Variants in VRTN observed in about 807,000 individuals in gnomAD.
VRTN encodes the protein vertnin.
A neutral mutation model predicts 18.2 loss-of-function variants in VRTN; 5 were observed. The observed-to-expected ratio is 0.27, with a 90% CI of 0.14 to 0.58. The LOEUF is 0.58. Among genes scored for constraint, VRTN ranks in the 20% least tolerant of loss-of-function variants. The pLI is 0.91. For synonymous variants in VRTN, 381 were observed against 393.7 expected (o/e 0.97, Z 0.38); for missense variants, 741 against 939.4 (o/e 0.79, Z 2.76).
chr14:74,354,649 C>T lies in VRTN; in HGVS notation c.-1-2134C>T, dbSNP rs566904614. ...CGATCTCCTGAGCTCGTGGTCCGCC[C>T]GTGTCGGCCTCCCAAAGTGCTGGGA... On this transcript the variant is annotated intron_variant, in intron 1 of 1. Coordinates refer to ENST00000256362, the MANE Select transcript of VRTN (RefSeq NM_018228.3). Among the ~76,000 whole-genome samples, 4 of 152,038 alleles carry T rather than the reference C, an allele frequency of 2.6e-5. No individual in the cohort carries two copies. In the East Asian group the frequency reaches 5.9e-4, roughly 22 times the overall value.
chr14:74,303,977 G>A (rs992506959), intron 1 of VRTN, among the ~76,000 whole-genome samples: 5 of 149,246 alleles, frequency 3.4e-5, no homozygotes, highest in African/African-American at 1.2e-4. Flanking sequence ...TCAGCCTCCC[G>A]AGTAGCTAGG....
At chr14:74,327,082 C>T (rs2085492790) in intron 1 of VRTN, among the ~76,000 whole-genome samples, 2 of 152,246 alleles carry the variant, frequency 1.3e-5, no homozygotes, top group African/African-American at 2.4e-5. Flanking sequence ...TGGTTGGTTC[C>T]CTATCTCCTT....
intron 1 of VRTN, among the ~76,000 whole-genome samples, chr14:74,307,524 A>G (rs959328297): frequency 2.0e-5 from 3 of 152,112 alleles, no homozygotes; most frequent in African/African-American, 7.2e-5. Flanking sequence ...CAGCTTTCAC[A>G]ATAAAAAAGA....
chr14:74,347,153 G>C (rs2085648966), upstream of VRTN, among the ~76,000 whole-genome samples: 1 of 152,152 alleles, frequency 6.6e-6, no homozygotes, highest in Non-Finnish European at 1.5e-5. Flanking sequence ...TCATCTCGTG[G>C]AATTTATCCA....
In VRTN at chr14:74,358,297, C is replaced by T; in HGVS notation, c.1514C>T (p.Ser505Phe). 1 of 1,611,340 alleles carries T rather than the reference C, an allele frequency of 6.2e-7. No homozygotes were observed. The highest frequency in any genetic ancestry group is 8.5e-7 in the Non-Finnish European group (1 of 1,178,346). The change falls in exon 2 of 2, where the codon TCC (serine) becomes TTC (phenylalanine). Residue 505 changes from serine (S) to phenylalanine (F), a missense_variant. Transcript: ENST00000256362. The surrounding 1 kb of genome is among the most constrained non-coding windows in gnomAD (Gnocchi z 5.4). The part of the protein sequence containing the change: ...GELLPLRMPL[S>F]RWQRRLRRAA... Reference sequence around the variant, plus strand: ...CTCCTGCCACTAAGGATGCCCCTGTCCCGTTGGCAGAGGCGTCTGCGCAGG... The same window carrying T: ...CTCCTGCCACTAAGGATGCCCCTGTTCCGTTGGCAGAGGCGTCTGCGCAGG...
intron 1 of VRTN, among the ~76,000 whole-genome samples, chr14:74,321,990 G>A (rs189747814): frequency 5.3e-5 from 8 of 151,908 alleles, no homozygotes; most frequent in Admixed American, 5.3e-4. Context: ...ACAGGTGTGT[G>A]CCACCACACC....
chr14:74,305,330 CA>C (rs71115979), intron 1 of VRTN: 2,856 of 122,612 alleles, frequency 0.023, 66 homozygotes, highest in African/African-American at 0.087. Context: ...GAGACTGTTT[CA>C]AAAAAAAAAA....
intron 1 of VRTN, chr14:74,306,585 T>C (rs959830077): frequency 6.6e-6 from 1 of 151,610 alleles, no homozygotes; most frequent in African/African-American, 2.4e-5. Context: ...TGTGTGTGTG[T>C]GTGTGTGTGT....
At chr14:74,329,915 C>G (rs1367037507) in intron 1 of VRTN, among the ~76,000 whole-genome samples, 1 of 149,746 alleles carries the variant, frequency 6.7e-6, no homozygotes, top group Non-Finnish European at 1.5e-5. Flanking sequence ...CTGTATCACC[C>G]AGGCTGGAGT....
chr14:74,340,443 A>G lies in VRTN; in HGVS notation c.-2+2559A>G, dbSNP rs142010725. On this transcript the variant is annotated intron_variant, in intron 2 of 2. Coordinates refer to the VRTN transcript ENST00000557177. ...GTATTTTTAGTAGACACGGGGTTTC[A>G]CCATATTGGTCAGGCTGGTCTTGAA... Among the ~76,000 whole-genome samples, 240 of 151,526 alleles carry G rather than the reference A, an allele frequency of 1.6e-3. 6 individuals carry two copies. In the East Asian group the frequency reaches 0.018, roughly 11 times the overall value.
chr14:74,337,213 C>A (rs1286647881), intron 1 of VRTN, among the ~76,000 whole-genome samples: 1 of 151,974 alleles, frequency 6.6e-6, no homozygotes, highest in African/African-American at 2.4e-5. Flanking sequence ...CATGGTGGCA[C>A]ATGCCTGTAG....
chr14:74,320,335 A>C (rs1422819576), intron 1 of VRTN, among the ~76,000 whole-genome samples: 4 of 132,754 alleles, frequency 3.0e-5, no homozygotes, highest in Admixed American at 1.9e-4. Flanking sequence ...ATCTTGGCTC[A>C]CTACAACCTC....
intron 1 of VRTN, among the ~76,000 whole-genome samples, chr14:74,333,514 A>G (rs1323688522): frequency 6.6e-6 from 1 of 151,314 alleles, no homozygotes; most frequent in Non-Finnish European, 1.5e-5. Context: ...AAGCAAGGGT[A>G]AAGAAATCAT....
At chr14:74,329,881 T>C (rs1202279388) in intron 1 of VRTN, among the ~76,000 whole-genome samples, 2 of 150,920 alleles carry the variant, frequency 1.3e-5, no homozygotes, top group Non-Finnish European at 3.0e-5. Flanking sequence ...CTGGGCTTTT[T>C]TTTTTTTTTG....
intron 1 of VRTN, among the ~76,000 whole-genome samples, chr14:74,335,388 T>C (rs1196956219): frequency 6.6e-6 from 1 of 152,204 alleles, no homozygotes; most frequent in Non-Finnish European, 1.5e-5. Context: ...ACAGTAGGTC[T>C]AGAGGTGTCA....
At position 74,356,963 on chromosome 14, in the gene VRTN, G is replaced by A. The variant is rs762229741; in HGVS notation, c.180G>A (p.Ser60=). Residue 60 remains serine, a synonymous_variant, in exon 2 of 2, where the codon TCG becomes TCA. Coordinates refer to ENST00000256362, the MANE Select transcript of VRTN (RefSeq NM_018228.3). ...GPGLQVLEVD[S]VALSLYPEDA... ...GCCTCCAGGTGCTGGAAGTGGACTC[G>A]GTGGCCCTGAGCCTGTATCCAGAAG... is the stretch of plus-strand genomic sequence containing the variant. The A allele has an allele frequency of 5.6e-6, 9 of 1,613,714 alleles. No individual in the cohort carries two copies. Among genetic ancestry groups the A allele is most frequent in the Middle Eastern group, 1.6e-4 (1 of 6,062 alleles).
chr14:74,358,258 C>T lies in VRTN; in HGVS notation c.1475C>T (p.Pro492Leu). The T allele has an allele frequency of 6.2e-7, 1 of 1,611,066 alleles. No individual in the cohort carries two copies. Among genetic ancestry groups the T allele is most frequent in the Non-Finnish European group, 8.5e-7 (1 of 1,178,374 alleles). The change falls in exon 2 of 2, where the codon CCC becomes CTC. Residue 492 changes from proline to leucine, a missense_variant. This residue lies in a region of VRTN where 494 missense variants were observed against 546.5 expected (regional missense o/e 0.90). Transcript: ENST00000256362. This position sits in a 1 kb window ranked among gnomAD's most constrained non-coding sequence, Gnocchi z 5.4. ...GAGNATGEDPPAPGELLPLRM... is the reference protein window; with the variant it reads ...GAGNATGEDPLAPGELLPLRM... Reference sequence around the variant, plus strand: ...GGGAATGCCACAGGTGAGGACCCTCCCGCCCCCGGGGAGCTCCTGCCACTA... The same window carrying T: ...GGGAATGCCACAGGTGAGGACCCTCTCGCCCCCGGGGAGCTCCTGCCACTA...
intron 1 of VRTN, among the ~76,000 whole-genome samples, chr14:74,312,792 C>T (rs867820440): frequency 5.9e-4 from 77 of 129,642 alleles, no homozygotes; most frequent in African/African-American, 2.1e-3. Context: ...CTCGCTCTGG[C>T]GCCCAGGCTG....
chr14:74,345,918 C>T (rs2085641140), upstream of VRTN, among the ~76,000 whole-genome samples: 1 of 146,564 alleles, frequency 6.8e-6, no homozygotes, highest in Admixed American at 6.8e-5. Context: ...CAGCAAGACT[C>T]CATCTCCAAA....
Sources: allele counts gnomAD v4.1 joint callset (sites outside exome capture counted in the v4.1 genomes callset), GRCh38; gene constraint gnomAD v4.1.1; regional missense constraint gnomAD v4.1.1; non-coding constraint Gnocchi (gnomAD v3.1); transcripts MANE v1.5; gene names NCBI Gene and HGNC (gene_info 2026-07-23, HGNC 2026-07-21).